The following MRAP2 variants were observed in gnomAD, a reference collection of about 807,000 sequenced individuals.
The protein encoded by MRAP2 is melanocortin 2 receptor accessory protein 2, also known as melanocortin-2 receptor accessory protein 2.
MRAP2 carries 20 observed loss-of-function variants against 17.4 expected under a neutral mutation model. The observed-to-expected ratio is 1.15, with a 90% CI of 0.81 to 1.67. MRAP2 has a LOEUF of 1.67. Ranked by LOEUF, MRAP2 falls within the 40% of genes most tolerant of loss-of-function variation. The pLI is 0.00. For missense variants in MRAP2, 238 were observed against 240.0 expected (o/e 0.99, Z 0.05); for synonymous variants, 96 against 88.4 (o/e 1.09, Z -0.48).
the MRAP2 span, among the ~76,000 whole-genome samples, chr6:84,100,822 C>T: frequency 1.8e-4 from 28 of 152,164 alleles, no homozygotes; most frequent in Admixed American, 1.6e-3. Flanking sequence ...TGGTGTGTTC[C>T]ATCTGTCTGC....
chr6:84,068,288 G>A (rs1260572922), intron 3 of MRAP2, among the ~76,000 whole-genome samples: 2 of 152,120 alleles, frequency 1.3e-5, no homozygotes, highest in Non-Finnish European at 2.9e-5. Context: ...GGTGACTATG[G>A]CCTTATAGTA....
chr6:84,053,218 C>T (rs1355321742), intron 1 of MRAP2, among the ~76,000 whole-genome samples: 1 of 152,146 alleles, frequency 6.6e-6, no homozygotes, highest in Non-Finnish European at 1.5e-5. Flanking sequence ...GTACTTTTCC[C>T]TATTTTTCTA....
chr6:84,127,344 T>C, the MRAP2 span, among the ~76,000 whole-genome samples: 2 of 152,126 alleles, frequency 1.3e-5, no homozygotes, highest in Non-Finnish European at 2.9e-5. Context: ...AAAATCCCAG[T>C]ATCTTACCTA....
chr6:84,102,805 T>TAAA, the MRAP2 span, among the ~76,000 whole-genome samples: 9 of 148,036 alleles, frequency 6.1e-5, no homozygotes, highest in African/African-American at 2.2e-4. Flanking sequence ...GTTTACAACT[T>TAAA]AAAAAAAAAA....
At chr6:84,117,813 G>C in the MRAP2 span, among the ~76,000 whole-genome samples, 6 of 152,168 alleles carry the variant, frequency 3.9e-5, no homozygotes, top group Non-Finnish European at 7.3e-5. Flanking sequence ...AGCAGTGAAG[G>C]CTGTGAAACA....
At chr6:84,129,398 G>A in the MRAP2 span, among the ~76,000 whole-genome samples, 1 of 152,136 alleles carries the variant, frequency 6.6e-6, no homozygotes, top group Non-Finnish European at 1.5e-5. Context: ...GCATGAGATG[G>A]TATCTCATTG....
At chr6:84,122,653 C>A in the MRAP2 span, among the ~76,000 whole-genome samples, 2 of 152,122 alleles carry the variant, frequency 1.3e-5, no homozygotes, top group African/African-American at 2.4e-5. Flanking sequence ...GAAAGCATTT[C>A]CCTAAGAACT....
At chr6:84,034,808 G>A (rs1028939618) in intron 1 of MRAP2, among the ~76,000 whole-genome samples, 18 of 152,052 alleles carry the variant, frequency 1.2e-4, no homozygotes, top group Admixed American at 3.9e-4. Flanking sequence ...CAGTTTGCAG[G>A]TAGAGAAAAT....
At chr6:84,049,260 A>T (rs1249924949) in intron 1 of MRAP2, among the ~76,000 whole-genome samples, 1 of 152,084 alleles carries the variant, frequency 6.6e-6, no homozygotes, top group Non-Finnish European at 1.5e-5. Flanking sequence ...CCCCTTCTCT[A>T]CTAAAAGCAC....
At chr6:84,140,848 T>C in the MRAP2 span, among the ~76,000 whole-genome samples, 1 of 152,258 alleles carries the variant, frequency 6.6e-6, no homozygotes, top group South Asian at 2.1e-4. Context: ...ACCATAAAAA[T>C]AGCTTACTGG....
At chr6:84,127,201 A>G in the MRAP2 span, among the ~76,000 whole-genome samples, 36 of 152,172 alleles carry the variant, frequency 2.4e-4, no homozygotes, top group African/African-American at 8.7e-4. Flanking sequence ...ATGAAAAGAA[A>G]TTCCAACAAG....
chr6:84,104,827 C>A, the MRAP2 span, among the ~76,000 whole-genome samples: 1 of 152,128 alleles, frequency 6.6e-6, no homozygotes, highest in Non-Finnish European at 1.5e-5. Context: ...AAGATCACAC[C>A]ACTGCCCTCC....
chr6:84,133,573 C>T, the MRAP2 span, among the ~76,000 whole-genome samples: 3 of 152,296 alleles, frequency 2.0e-5, no homozygotes, highest in East Asian at 5.8e-4. Context: ...GGCGGATGCC[C>T]CTCCCCCAGC....
chr6:84,126,049 A>C, the MRAP2 span, among the ~76,000 whole-genome samples: 1 of 152,136 alleles, frequency 6.6e-6, no homozygotes, highest in African/African-American at 2.4e-5. Flanking sequence ...TTTATTTCTT[A>C]TAAACATTTG....
At chr6:84,062,085 G>C (rs1170687971) in intron 2 of MRAP2, 1 of 985,316 alleles carries the variant, frequency 1.0e-6, no homozygotes, top group African/African-American at 1.7e-5. Context: ...ATGCAAAGTT[G>C]CTACCTAATT....
At position 84,089,605 on chromosome 6, in the gene MRAP2, G is replaced by A; in HGVS notation, c.*124G>A. 8.6e-7 allele frequency: 1 copy of A among 1,163,952 alleles called. No homozygotes were observed. Among genetic ancestry groups the A allele is most frequent in the East Asian group, 2.4e-5 (1 of 41,170 alleles). 72.1% of individuals were successfully genotyped at this position (1,163,952 alleles called of 1,614,324 possible). ...AGAGACATAGAGATAGAGACAGAGA[G>A]GCAGAGAAGAGACCCCTTTAGAAGA... On this transcript the variant is annotated 3_prime_UTR_variant, in exon 4 of 4. Transcript: ENST00000257776.
chr6:84,064,209 C>G (rs1169017399), intron 3 of MRAP2, among the ~76,000 whole-genome samples: 3 of 151,042 alleles, frequency 2.0e-5, no homozygotes, highest in East Asian at 3.9e-4. Flanking sequence ...AGCTGGAACC[C>G]TGGAGTCTGC....
the MRAP2 span, among the ~76,000 whole-genome samples, chr6:84,099,838 T>G: frequency 6.6e-6 from 1 of 152,176 alleles, no homozygotes; most frequent in Middle Eastern, 3.4e-3. Flanking sequence ...ATACAGATAG[T>G]GTATATCTTC....
chr6:84,046,079 G>A (rs1356564824), intron 1 of MRAP2, among the ~76,000 whole-genome samples: 1 of 152,178 alleles, frequency 6.6e-6, no homozygotes, highest in Non-Finnish European at 1.5e-5. Context: ...TCTGCTTGCT[G>A]TGAAAATATT....
Sources: allele counts gnomAD v4.1 joint callset (sites outside exome capture counted in the v4.1 genomes callset), GRCh38; gene constraint gnomAD v4.1.1; transcripts MANE v1.5; gene names NCBI Gene and HGNC (gene_info 2026-07-23, HGNC 2026-07-21).